The following NLRC5 variants were observed in gnomAD, a reference collection of about 807,000 sequenced individuals.
NLRC5 encodes the protein protein NLRC5.
NLRC5 carries 114 observed loss-of-function variants against 206.9 expected under a neutral mutation model. That is an observed-to-expected ratio of 0.55 (90% CI 0.47 to 0.64). The LOEUF is 0.64. NLRC5 is among the 30% of genes least tolerant of loss of function. NLRC5 has a pLI of 0.00. For synonymous variants in NLRC5, 952 were observed against 962.8 expected, an observed-to-expected ratio of 0.99 and a Z score of 0.21; for missense variants, 2,008 against 2,305.5, an observed-to-expected ratio of 0.87 and a Z score of 2.64.
At chr16:57,035,899 T>C (rs554830620) in intron 13 of NLRC5, among the ~76,000 whole-genome samples, 1 of 152,326 alleles carries the variant, frequency 6.6e-6, no homozygotes, top group South Asian at 2.1e-4. Context: ...ATCGGCACTA[T>C]GAGGATGAAA....
chr16:57,082,372 G>A, intron 48 of NLRC5, 45 bp from the exon 49 acceptor site: 1 of 1,452,796 alleles, frequency 6.9e-7, no homozygotes. Context: ...ACGACAGATG[G>A]CAAAGATGGG....
chr16:57,020,813 T>A lies in NLRC5; in HGVS notation c.101T>A (p.Phe34Tyr), dbSNP rs779141796. 6.2e-7 allele frequency: 1 copy of A among 1,613,204 alleles called. No homozygotes were observed. The highest frequency in any genetic ancestry group is 1.1e-5 in the South Asian group (1 of 90,990). ...DPEWLNAKMK[F>Y]FLPNTDLDSR... ...GAATGGCTGAACGCCAAGATGAAGTTCTTCCTCCCCAACACGGACCTGGAT... is the reference window on the plus strand; with the variant it reads ...GAATGGCTGAACGCCAAGATGAAGTACTTCCTCCCCAACACGGACCTGGAT... Residue 34 changes from phenylalanine to tyrosine, a missense_variant, in exon 3 of 49, where the codon TTC (phenylalanine) becomes TAC (tyrosine). Phe to Tyr is a conservative substitution (Grantham distance 22). Coordinates refer to ENST00000688547, the MANE Select transcript of NLRC5 (RefSeq NM_001384950.1).
intron 30 of NLRC5, among the ~76,000 whole-genome samples, chr16:57,060,240 T>C (rs191824759): frequency 0.024 from 3,599 of 151,710 alleles, 133 homozygotes; most frequent in African/African-American, 0.08. Context: ...GCCCCTCTGC[T>C]ACTCTGTGCC....
chr16:57,033,514 T>C, intron 11 of NLRC5, 90 bp from the exon 12 acceptor site: 1 of 1,241,260 alleles, frequency 8.1e-7, no homozygotes, highest in Non-Finnish European at 1.2e-6. Flanking sequence ...TGCTTCAGGG[T>C]CTTCAGCCTC....
Position 57,082,654 on chromosome 16 carries a change from G to T in NLRC5, c.*126G>T, listed in dbSNP as rs1438682922. On this transcript the variant is annotated 3_prime_UTR_variant, in exon 49 of 49. Transcript: ENST00000688547. Reference sequence around the variant, plus strand: ...GGGCGCTCTGCACTCCACCCAGGAGGAAGGATACGTGTGTCCTGCTGCAGT... The same window carrying T: ...GGGCGCTCTGCACTCCACCCAGGAGTAAGGATACGTGTGTCCTGCTGCAGT... 3 of 667,446 alleles carry T rather than the reference G, an allele frequency of 4.5e-6. No homozygotes were observed. In the African/African-American group the frequency reaches 5.4e-5, roughly 12 times the overall value. 41.3% of individuals were successfully genotyped at this position (667,446 alleles called of 1,614,324 possible). A position where few individuals can be genotyped will look rare whatever the true frequency, so the allele number is the denominator to read the frequency against.
In NLRC5 at chr16:57,047,548, C is replaced by G. The variant is rs2064164833; in HGVS notation, c.3342C>G (p.Leu1114=). 6.2e-7 allele frequency: 1 copy of G among 1,611,428 alleles called. No homozygotes were observed. Among genetic ancestry groups the G allele is most frequent in the Non-Finnish European group, 8.5e-7 (1 of 1,179,028 alleles). The change falls in exon 23 of 49, where the codon CTC becomes CTG. Residue 1114 remains leucine, a synonymous_variant. Coordinates refer to ENST00000688547, the MANE Select transcript of NLRC5 (RefSeq NM_001384950.1). ...RQRCIPRSLC[L]SECPLEPPSL... ...CCTGCCCATTGCCCCTTTGCAGCCT[C>G]AGTGAGTGTCCTCTGGAGCCCCCAA...
chr16:57,036,149 G>C lies in NLRC5; in HGVS notation c.2677G>C (p.Ala893Pro). The C allele has an allele frequency of 1.2e-6, 2 of 1,613,616 alleles. No homozygotes were observed. Among genetic ancestry groups the C allele is most frequent in the Non-Finnish European group, 8.5e-7 (1 of 1,180,000 alleles). The change falls in exon 14 of 49, where the codon GCT becomes CCT. Residue 893 changes from alanine to proline, a missense_variant. By Grantham distance (27) the Ala-to-Pro change is conservative. Transcript: ENST00000688547. ...EDEGCRLMAE[A>P]ASQLHIARKL... Reference sequence around the variant, plus strand: ...TGAAGGCTGTCGGCTGATGGCAGAGGCTGCATCCCAGCTGCACATCGCCAG... The same window carrying C: ...TGAAGGCTGTCGGCTGATGGCAGAGCCTGCATCCCAGCTGCACATCGCCAG...
intron 36 of NLRC5, among the ~76,000 whole-genome samples, chr16:57,068,408 G>A (rs2067287332): frequency 6.6e-6 from 1 of 150,582 alleles, no homozygotes; most frequent in Non-Finnish European, 1.5e-5. Context: ...TCTAGCCTAG[G>A]TGACAGAGCG....
intron 6 of NLRC5, 86 bp downstream of exon 6, chr16:57,027,104 G>C: frequency 2.1e-6 from 3 of 1,456,916 alleles, no homozygotes; most frequent in Non-Finnish European, 2.8e-6. Flanking sequence ...TCTGCCAAGA[G>C]GACTGGATAA....
chr16:57,007,588 G>T (rs2059056135), intron 1 of NLRC5, among the ~76,000 whole-genome samples: 1 of 152,024 alleles, frequency 6.6e-6, no homozygotes, highest in Non-Finnish European at 1.5e-5. Context: ...AAATTAATCA[G>T]GCATGGTGGC....
intron 32 of NLRC5, chr16:57,062,792 T>C (rs1384500442): frequency 6.6e-6 from 1 of 152,322 alleles, no homozygotes; most frequent in East Asian, 1.9e-4. Context: ...ATCTTAATCA[T>C]TTCTAAGTGT....
At chr16:56,993,102 T>A (rs1218847827) in intron 1 of NLRC5, among the ~76,000 whole-genome samples, 8 of 149,040 alleles carry the variant, frequency 5.4e-5, no homozygotes, top group African/African-American at 2.0e-4. Context: ...TATACATATA[T>A]ATATACACGT....
rs757451498 is a variant in NLRC5 at position 57,025,420 on chromosome 16, CA to C, written c.478del (p.Arg160GlyfsTer29). On this transcript the variant is annotated frameshift_variant, in exon 6 of 49. Transcript: ENST00000688547. LOFTEE classifies it high-confidence loss of function. ...TGCGGACCTCTGCCCAGCAGCGCTA[CA>C]GGAGCCAAATCCCTGGGTCAGGGCA... Reference protein sequence around the residue: ...LLRTSAQQRYRSQIPGSGQPH... With the variant: ...LLRTSAQQRYXSQIPGSGQPH... The C allele has an allele frequency of 1.3e-6, 2 of 1,580,580 alleles. No homozygotes were observed. Among genetic ancestry groups the C allele is most frequent in the Non-Finnish European group, 1.7e-6 (2 of 1,164,482 alleles).
Position 57,067,701 on chromosome 16 carries a change from C to T in NLRC5, c.4407-35C>T, listed in dbSNP as rs375226350. ...TGATGACCTCTGAGGTGTGTCCAGC[C>T]TGAAATCCTCTAGAATATCCTTGGA... On this transcript the variant is annotated intron_variant, in intron 35 of 48. Transcript: ENST00000688547. The T allele has an allele frequency of 4.4e-6, 7 of 1,596,362 alleles. No homozygotes were observed. The African/African-American group carries it at 9.4e-5, about 21-fold the overall frequency.
intron 1 of NLRC5, among the ~76,000 whole-genome samples, chr16:57,010,666 C>T (rs1151263): frequency 0.4 from 60,610 of 152,114 alleles, 12,861 homozygotes; most frequent in Non-Finnish European, 0.48. Flanking sequence ...AGCCACTGCA[C>T]CTGGCTGCTT....
rs1385981207 is a variant in NLRC5 at position 57,028,324 on chromosome 16, GC to G, written c.2185del (p.Arg729GlufsTer7). 2 of 1,614,088 alleles carry G rather than the reference GC, an allele frequency of 1.2e-6. No homozygotes were observed. On this transcript the variant is annotated frameshift_variant, in exon 8 of 49. Transcript: ENST00000688547. LOFTEE classifies it high-confidence loss of function. ...TAGGTTAGCAGGAAGTAAAATCACT[GC>G]CCGAGGCATCAGCCACCTGGTGAAA... ...MLGLAGSKIT[A>X]RGISHLVKAL...
intron 8 of NLRC5, among the ~76,000 whole-genome samples, chr16:57,029,065 T>C (rs62035547): frequency 0.12 from 17,970 of 152,058 alleles, 1,262 homozygotes; most frequent in African/African-American, 0.18. Context: ...GTCACTAAGG[T>C]TCAGCACTTG....
intron 39 of NLRC5, among the ~76,000 whole-genome samples, chr16:57,075,550 G>T (rs1260371275): frequency 6.6e-6 from 1 of 152,134 alleles, no homozygotes; most frequent in Non-Finnish European, 1.5e-5. Context: ...CAAGCTTCCG[G>T]GTGGTATCAA....
chr16:56,989,785 G>T (rs574754701), intron 1 of NLRC5, among the ~76,000 whole-genome samples, 168 bp downstream of exon 1: 8 of 152,340 alleles, frequency 5.3e-5, no homozygotes, highest in Non-Finnish European at 8.8e-5. Context: ...TGGGTAAGCG[G>T]ACAGGGCGCC....
Sources: gnomAD v4.1 joint callset for allele counts (sites outside exome capture counted in the v4.1 genomes callset) on GRCh38, gnomAD v4.1.1 for gene constraint, MANE v1.5 for transcripts, NCBI Gene and HGNC (gene_info 2026-07-23, HGNC 2026-07-21) for gene names.